The following DST variants were observed in gnomAD, a reference collection of about 807,000 sequenced individuals.
DST encodes dystonin.
A neutral mutation model predicts 875.2 loss-of-function variants in DST; 253 were observed. The observed-to-expected ratio is 0.29, with a 90% CI of 0.26 to 0.32. The LOEUF (loss-of-function observed/expected upper bound fraction) is 0.32. DST is among the 10% of genes least tolerant of loss of function. The pLI is 1.00. For missense variants in DST, 8,287 were observed against 9,111.6 expected, an observed-to-expected ratio of 0.91 and a Z score of 3.68; for synonymous variants, 3,124 against 3,197.1, an observed-to-expected ratio of 0.98 and a Z score of 0.77.
At chr6:56,653,333 A>G (rs2098986579) in intron 10 of DST, among the ~76,000 whole-genome samples, 1 of 152,228 alleles carries the variant, frequency 6.6e-6, no homozygotes. Context: ...TTCCTCCACT[A>G]AAAGACAGCA....
chr6:56,937,486 C>CT (rs1291185249), intron 2 of DST, among the ~76,000 whole-genome samples: 1 of 151,982 alleles, frequency 6.6e-6, no homozygotes, highest in Non-Finnish European at 1.5e-5. Context: ...AATAGAATAG[C>CT]TATAGTAAAA....
intron 61 of DST, among the ~76,000 whole-genome samples, chr6:56,549,080 GA>G (rs1190122364): frequency 1.3e-5 from 2 of 152,120 alleles, no homozygotes; most frequent in Admixed American, 1.3e-4. Flanking sequence ...ACTATAGAAA[GA>G]AAAACAGAAT....
At chr6:56,862,064 T>C (rs1003750393) in intron 3 of DST, 5 of 152,228 alleles carry the variant, frequency 3.3e-5, no homozygotes, top group Admixed American at 2.6e-4. Flanking sequence ...GTCTGTTGGG[T>C]GAATTTATTG....
chr6:56,551,381 A>G (rs1329806159), intron 61 of DST, among the ~76,000 whole-genome samples: 2 of 152,180 alleles, frequency 1.3e-5, no homozygotes, highest in Admixed American at 6.5e-5. Context: ...TGAAACCCTA[A>G]AGGTTTATAT....
At chr6:56,936,465 T>G (rs62411428) in intron 2 of DST, among the ~76,000 whole-genome samples, 31,467 of 152,080 alleles carry the variant, frequency 0.21, 3,615 homozygotes, top group Middle Eastern at 0.26. Flanking sequence ...TGGGTACTGA[T>G]GTTCAGATAC....
chr6:56,875,145 G>A lies in DST; in HGVS notation c.418-23541C>T, dbSNP rs189821011. Among the ~76,000 whole-genome samples, 1,455 of 152,064 alleles carry A rather than the reference G, an allele frequency of 9.6e-3. 24 individuals are homozygous for A. The highest frequency in any genetic ancestry group is 0.033 in the African/African-American group (1,361 of 41,476). Reference sequence around the variant, plus strand: ...ACTACAGGCGCCCGCCACCACGCCCGGCTAATTTTTTTGTATTTTTAATAG... The same window carrying A: ...ACTACAGGCGCCCGCCACCACGCCCAGCTAATTTTTTTGTATTTTTAATAG... On this transcript the variant is annotated intron_variant, in intron 3 of 103. Transcript: ENST00000680361.
At chr6:56,948,481 G>T (rs1478307347) in intron 2 of DST, among the ~76,000 whole-genome samples, 1 of 152,194 alleles carries the variant, frequency 6.6e-6, no homozygotes, top group East Asian at 1.9e-4. Context: ...GACAAAGTGG[G>T]ATTGGAGCAG....
Position 56,647,687 on chromosome 6 carries a change from TG to T in DST, c.1554+882del, listed in dbSNP as rs1260716691. Among the ~76,000 whole-genome samples the T allele has an allele frequency of 1.2e-3, 163 of 131,824 alleles. 4 individuals carry two copies. Among genetic ancestry groups the T allele is most frequent in the African/African-American group, 4.4e-3 (129 of 29,174 alleles). 86.5% of individuals were successfully genotyped at this position (131,824 alleles called of 152,430 possible). On this transcript the variant is annotated intron_variant, in intron 13 of 103. Transcript: ENST00000680361. ...ACATATTTGTAATGGCTTTTTGTAA[TG>T]TTTTTTTTTTTTTTTGAGACGGAGT...
In DST at chr6:56,509,655, G is replaced by A; in HGVS notation, c.18999C>T (p.Asp6333=). The change falls in exon 74 of 104, where the codon GAC becomes GAT. Residue 6333 remains aspartate, a synonymous_variant. Coordinates refer to ENST00000680361, the MANE Select transcript of DST (RefSeq NM_001374736.1). ...CAAAAGTATTACCTTTGGCAGATAT[G>A]TCTTTATCAGTCCCCCCAGATCTAG... ...MIARSGGTDK[D]ISAKAVQDKL... is the part of the protein sequence containing the mutation. 1 of 1,612,722 alleles carries A rather than the reference G, an allele frequency of 6.2e-7. No individual in the cohort carries two copies. Among genetic ancestry groups the A allele is most frequent in the Non-Finnish European group, 8.5e-7 (1 of 1,178,942 alleles).
chr6:56,846,656 C>A (rs1418779100), intron 4 of DST, among the ~76,000 whole-genome samples: 1 of 152,080 alleles, frequency 6.6e-6, no homozygotes, highest in African/African-American at 2.4e-5. Flanking sequence ...ATACTATAGT[C>A]TCAGATTTTA....
At chr6:56,624,689 G>A in intron 35 of DST, 61 bp from the exon 36 acceptor site, 1 of 1,085,950 alleles carries the variant, frequency 9.2e-7, no homozygotes, top group Admixed American at 1.8e-5. Flanking sequence ...TAAGTTGAAT[G>A]AATTTTGAAT....
chr6:56,802,092 T>G (rs1355347267), intron 4 of DST, among the ~76,000 whole-genome samples: 1 of 152,222 alleles, frequency 6.6e-6, no homozygotes, highest in Non-Finnish European at 1.5e-5. Flanking sequence ...AGCCAATTTC[T>G]AATTCCTTAA....
At chr6:56,879,654 CTTAA>C (rs957101760) in intron 3 of DST, among the ~76,000 whole-genome samples, 6 of 152,220 alleles carry the variant, frequency 3.9e-5, no homozygotes, top group African/African-American at 4.8e-5. Context: ...TCATTCACTC[CTTAA>C]TTAAGTAGTA....
At chr6:56,515,310 G>T in intron 72 of DST, 140 bp downstream of exon 72, 2 of 909,688 alleles carry the variant, frequency 2.2e-6, no homozygotes, top group Non-Finnish European at 3.3e-6. Flanking sequence ...CAATTATGAG[G>T]TAAGCAAATT....
intron 4 of DST, among the ~76,000 whole-genome samples, chr6:56,746,921 G>A (rs1409967929): frequency 6.6e-6 from 1 of 152,114 alleles, no homozygotes; most frequent in Non-Finnish European, 1.5e-5. Flanking sequence ...CTTGCTCTTA[G>A]GCTGATGGCT....
intron 38 of DST, among the ~76,000 whole-genome samples, chr6:56,611,187 A>T (rs1384088768): frequency 6.6e-6 from 1 of 152,140 alleles, no homozygotes; most frequent in Non-Finnish European, 1.5e-5. Flanking sequence ...CCAAAGAATA[A>T]GTCTCACAGA....
At chr6:56,601,021 T>C (rs2098441123) in intron 44 of DST, among the ~76,000 whole-genome samples, 1 of 152,058 alleles carries the variant, frequency 6.6e-6, no homozygotes, top group Non-Finnish European at 1.5e-5. Context: ...GTTCACAGAA[T>C]GAATGAGTAG....
In DST at chr6:56,670,736, C is replaced by A; in HGVS notation, c.1119G>T (p.Gln373His). The A allele has an allele frequency of 1.2e-6, 2 of 1,611,120 alleles. No individual in the cohort carries two copies. Among genetic ancestry groups the A allele is most frequent in the Admixed American group, 3.3e-5 (2 of 59,742 alleles). The change falls in exon 10 of 104, where the codon CAG becomes CAT. Residue 373 changes from glutamine (Q) to histidine (H), a missense_variant. Around this residue, in one of 10 missense-constraint regions of DST, gnomAD observed 1,160 missense variants for 1,424.3 expected, o/e 0.81. Coordinates refer to ENST00000680361, the MANE Select transcript of DST (RefSeq NM_001374736.1). ...TTCCAGCATAACCCTCTGTTGCCTG[C>A]TGCGTCCAGAGTAGCAATCTCTCTT... Reference protein sequence around the residue: ...SAKERLLLWTQQATEGYAGIR... With the variant: ...SAKERLLLWTHQATEGYAGIR...
rs1033520194 is a variant in DST, at chr6:56,567,222, C to T, written c.14005+1247G>A. On this transcript the variant is annotated intron_variant, in intron 55 of 103. Transcript: ENST00000680361. ...AAAATATCAGTTAGACTTTCTCATA[C>T]TAGTATCTATCGGCTATGTATCCAA... 2.6e-5 allele frequency among the ~76,000 whole-genome samples: 4 copies of T among 152,118 alleles called. No homozygotes were observed. In the South Asian group the frequency reaches 8.3e-4, roughly 32 times the overall value.
Sources: allele counts gnomAD v4.1 joint callset (sites outside exome capture counted in the v4.1 genomes callset), GRCh38; gene constraint gnomAD v4.1.1; regional missense constraint gnomAD v4.1.1; transcripts MANE v1.5; gene names NCBI Gene and HGNC (gene_info 2026-07-23, HGNC 2026-07-21).